Variants in ABCB11 observed in about 807,000 individuals in gnomAD.
ABCB11 encodes the protein bile salt export pump.
ABCB11 carries 95 observed loss-of-function variants against 148.0 expected under a neutral mutation model. The observed-to-expected ratio is 0.64, with a 90% CI of 0.54 to 0.76. The LOEUF is 0.76. Ranked by LOEUF, ABCB11 falls within the 30% of genes least tolerant of loss-of-function variation. The probability of loss-of-function intolerance (pLI) is 0.00; values close to 1 mark genes in which losing one functional copy is unlikely to be tolerated. For missense variants in ABCB11, 1,523 were observed against 1,617.8 expected (o/e 0.94, Z 1.01); for synonymous variants, 591 against 555.4 (o/e 1.06, Z -0.90).
At chr2:168,929,501 A>T (rs1475298162) in intron 25 of ABCB11, among the ~76,000 whole-genome samples, 1 of 152,264 alleles carries the variant, frequency 6.6e-6, no homozygotes, top group Non-Finnish European at 1.5e-5. Flanking sequence ...CATAATCATT[A>T]AAAAAGCTGT....
intron 16 of ABCB11, among the ~76,000 whole-genome samples, chr2:168,968,979 G>A (rs1027650072): frequency 2.6e-5 from 4 of 151,896 alleles, no homozygotes; most frequent in Admixed American, 1.3e-4. Flanking sequence ...AGGTGCACTA[G>A]AACCTGAAGT....
intron 10 of ABCB11, among the ~76,000 whole-genome samples, chr2:168,985,673 T>C (rs1203911463): frequency 6.6e-6 from 1 of 152,152 alleles, no homozygotes; most frequent in Non-Finnish European, 1.5e-5. Context: ...ACTGTTATTC[T>C]AAGTAAAGTA....
intron 14 of ABCB11, among the ~76,000 whole-genome samples, chr2:168,970,966 G>A (rs943010785): frequency 2.0e-5 from 3 of 151,964 alleles, no homozygotes; most frequent in African/African-American, 7.2e-5. Context: ...TGATTCTAAA[G>A]CTTTATACTC....
chr2:168,989,934 C>T lies in ABCB11; in HGVS notation c.908+867G>A, dbSNP rs78926870. Reference sequence around the variant, plus strand: ...ATTTATTGACATGCCTATGTTGAACCATCCTTACATCCTAGGGATAAATCT... The same window carrying T: ...ATTTATTGACATGCCTATGTTGAACTATCCTTACATCCTAGGGATAAATCT... On this transcript the variant is annotated intron_variant, in intron 9 of 27. Coordinates refer to ENST00000650372, the MANE Select transcript of ABCB11 (RefSeq NM_003742.4). 5.9e-3 allele frequency among the ~76,000 whole-genome samples: 904 copies of T among 152,102 alleles called. 14 individuals are homozygous for T. The highest frequency in any genetic ancestry group is 0.021 in the African/African-American group (858 of 41,506).
chr2:168,929,215 G>GT (rs1276860534), intron 25 of ABCB11, among the ~76,000 whole-genome samples: 1 of 152,052 alleles, frequency 6.6e-6, no homozygotes, highest in Non-Finnish European at 1.5e-5. Flanking sequence ...ACAAAAGGGG[G>GT]TAAAAACTAG....
chr2:168,921,638 G>A lies in ABCB11; in HGVS notation c.*1984C>T, dbSNP rs1399533988. 1.3e-5 allele frequency among the ~76,000 whole-genome samples: 2 copies of A among 151,864 alleles called. No individual in the cohort carries two copies. Among genetic ancestry groups the A allele is most frequent in the African/African-American group, 4.8e-5 (2 of 41,334 alleles). On this transcript the variant is annotated 3_prime_UTR_variant, in exon 28 of 28. Coordinates refer to ENST00000650372, the MANE Select transcript of ABCB11 (RefSeq NM_003742.4). Reference sequence around the variant, plus strand: ...TACTTCTAATTTCCTTTCTCCAGCTGCCCTATTGTTGCTTTTGCTTTATAT... The same window carrying A: ...TACTTCTAATTTCCTTTCTCCAGCTACCCTATTGTTGCTTTTGCTTTATAT...
chr2:169,005,521 G>A lies in ABCB11; in HGVS notation c.389+7751C>T, dbSNP rs888602302. On this transcript the variant is annotated intron_variant, in intron 5 of 27. Transcript: ENST00000650372. ...GCCTTAACCTGCTCCCACTCAGCCC[G>A]CAGTACTAGAGGTTAATCTCATGCC... Among the ~76,000 whole-genome samples the A allele has an allele frequency of 2.0e-5, 3 of 152,182 alleles. No individual in the cohort carries two copies. The South Asian group carries it at 6.2e-4, about 32-fold the overall frequency.
At position 169,013,256 on chromosome 2, in the gene ABCB11, A is replaced by C. The variant is rs1439443306; in HGVS notation, c.389+16T>G. The C allele has an allele frequency of 6.4e-7, 1 of 1,574,264 alleles. No individual in the cohort carries two copies. Among genetic ancestry groups the C allele is most frequent in the Non-Finnish European group, 8.6e-7 (1 of 1,157,954 alleles). ...ATGAGCAAAAAAGTAAAAAATTAAA[A>C]ACAAAAACAACCTACCCACAACGTG... On this transcript the variant is annotated intron_variant, in intron 5 of 27. Coordinates refer to ENST00000650372, the MANE Select transcript of ABCB11 (RefSeq NM_003742.4).
rs371656014 is a variant in ABCB11 at position 168,976,641 on chromosome 2, C to G, written c.1244G>C (p.Arg415Pro). The change falls in exon 12 of 28, where the codon CGA becomes CCA. Residue 415 changes from arginine (R) to proline (P), a missense_variant. Physicochemically the swap from Arg to Pro is moderately radical, Grantham distance 103. Transcript: ENST00000650372. ...CMSEDGYKLD[R>P]IKGEIEFHNV... Reference sequence around the variant, plus strand: ...ATGGAATTCAATTTCACCCTTGATTCGATCCAACTTGTAACCATCTTCTGA... The same window carrying G: ...ATGGAATTCAATTTCACCCTTGATTGGATCCAACTTGTAACCATCTTCTGA... 2 of 1,610,632 alleles carry G rather than the reference C, an allele frequency of 1.2e-6. No homozygotes were observed. Among genetic ancestry groups the G allele is most frequent in the African/African-American group, 2.7e-5 (2 of 74,836 alleles).
chr2:168,947,144 T>C (rs1692358484), intron 19 of ABCB11, among the ~76,000 whole-genome samples: 2 of 151,834 alleles, frequency 1.3e-5, no homozygotes, highest in Non-Finnish European at 2.9e-5. Flanking sequence ...AACCTTTTGC[T>C]ATGTGCCACA....
At position 168,921,944 on chromosome 2, in the gene ABCB11, G is replaced by C. The variant is rs978603376; in HGVS notation, c.*1678C>G. Among the ~76,000 whole-genome samples, 1 of 151,308 alleles carries C rather than the reference G, an allele frequency of 6.6e-6. No individual in the cohort carries two copies. The highest frequency in any genetic ancestry group is 2.4e-5 in the African/African-American group (1 of 41,110). ...GCTCACTGCAAGCTCCACCTCCCGG[G>C]TTCACGCCATTCTCCTGCCTCAGCC... On this transcript the variant is annotated 3_prime_UTR_variant, in exon 28 of 28. Transcript: ENST00000650372.
At chr2:168,934,089 TAAATTATTCTA>T (rs1691709980) in intron 23 of ABCB11, among the ~76,000 whole-genome samples, 2 of 148,442 alleles carry the variant, frequency 1.3e-5, no homozygotes, top group South Asian at 2.1e-4. Context: ...AAAAATATTC[TAAATTATTCTA>T]AAATTATTCT....
intron 21 of ABCB11, among the ~76,000 whole-genome samples, chr2:168,938,482 C>T (rs926245623): frequency 1.3e-5 from 2 of 152,036 alleles, no homozygotes; most frequent in Non-Finnish European, 2.9e-5. Context: ...GGTTCATAGA[C>T]ACAGAAAGTA....
At chr2:168,943,298 A>G (rs1194738087) in intron 21 of ABCB11, among the ~76,000 whole-genome samples, 3 of 151,988 alleles carry the variant, frequency 2.0e-5, no homozygotes, top group South Asian at 4.1e-4. Context: ...GCAGTTATGC[A>G]ATGCATATCA....
chr2:168,970,055 A>C lies in ABCB11; in HGVS notation c.1799T>G (p.Val600Gly). 1.9e-6 allele frequency: 3 copies of C among 1,611,190 alleles called. No homozygotes were observed. The highest frequency in any genetic ancestry group is 2.5e-6 in the Non-Finnish European group (3 of 1,178,414). The change falls in exon 15 of 28, where the codon GTG becomes GGG. Residue 600 changes from valine (V) to glycine (G), a missense_variant. Coordinates refer to ENST00000650372, the MANE Select transcript of ABCB11 (RefSeq NM_003742.4). ...DNESEAMVQEVLSKIQHGHTI... is the reference protein window; with the variant it reads ...DNESEAMVQEGLSKIQHGHTI... ...AAGACTTCCACAAACCTTACTCAGCACTTCTTGCACCATGGCTTCACTCTC... is the reference window on the plus strand; with the variant it reads ...AAGACTTCCACAAACCTTACTCAGCCCTTCTTGCACCATGGCTTCACTCTC...
chr2:169,011,082 G>A (rs549662855), intron 5 of ABCB11, among the ~76,000 whole-genome samples: 1 of 152,300 alleles, frequency 6.6e-6, no homozygotes, highest in African/African-American at 2.4e-5. Flanking sequence ...TGGCTATGAT[G>A]CAAATGTTGA....
chr2:168,935,314 G>T lies in ABCB11; in HGVS notation c.2926C>A (p.Gln976Lys). The T allele has an allele frequency of 6.2e-7, 1 of 1,613,984 alleles. No homozygotes were observed. The highest frequency in any genetic ancestry group is 1.6e-4 in the Middle Eastern group (1 of 6,062). The change falls in exon 23 of 28, where the codon CAG (glutamine) becomes AAG (lysine). Residue 976 changes from glutamine (Q) to lysine (K), a missense_variant. Physicochemically the swap from Gln to Lys is moderately conservative, Grantham distance 53. Coordinates refer to ENST00000650372, the MANE Select transcript of ABCB11 (RefSeq NM_003742.4). Reference protein sequence around the residue: ...ELEKPFKTAIQKANIYGFCFA... With the variant: ...ELEKPFKTAIKKANIYGFCFA... ...CAGAATCCGTAAATATTGGCTTTCT[G>T]AATGGCTGTCTTGAAGGGCTTCTCC...
At chr2:169,013,556 G>C in intron 4 of ABCB11, 46 bp from the exon 5 acceptor site, 1 of 1,490,882 alleles carries the variant, frequency 6.7e-7, no homozygotes, top group Non-Finnish European at 9.3e-7. Flanking sequence ...TGAAGAGCAG[G>C]AGAGGTAGGA....
At chr2:169,021,052 T>A (rs547851130) in intron 1 of ABCB11, among the ~76,000 whole-genome samples, 1 of 152,080 alleles carries the variant, frequency 6.6e-6, no homozygotes, top group Admixed American at 6.5e-5. Flanking sequence ...AACCTCCACC[T>A]CTTGGGTTCA....
Sources: allele counts gnomAD v4.1 joint callset (sites outside exome capture counted in the v4.1 genomes callset), GRCh38; gene constraint gnomAD v4.1.1; transcripts MANE v1.5; gene names NCBI Gene and HGNC (gene_info 2026-07-23, HGNC 2026-07-21).